The following EYA4 variants were observed in gnomAD, a reference collection of about 807,000 sequenced individuals.
EYA4 encodes the protein protein phosphatase EYA4.
A neutral mutation model predicts 87.9 loss-of-function variants in EYA4; 31 were observed. The observed-to-expected ratio is 0.35, with a 90% confidence interval of 0.27 to 0.48. EYA4 has a LOEUF of 0.48. Among genes scored for constraint, EYA4 ranks in the 20% least tolerant of loss-of-function variants. EYA4 has a pLI of 0.99. For synonymous variants in EYA4, 263 were observed against 270.6 expected, an observed-to-expected ratio of 0.97 and a Z score of 0.28; for missense variants, 678 against 761.4, an observed-to-expected ratio of 0.89 and a Z score of 1.29.
At chr6:133,438,447 T>C (rs1315830919) in intron 3 of EYA4, among the ~76,000 whole-genome samples, 2 of 149,430 alleles carry the variant, frequency 1.3e-5, no homozygotes, top group East Asian at 3.9e-4. Context: ...CTACACTACT[T>C]TGTGGCTTCA....
intron 1 of EYA4, among the ~76,000 whole-genome samples, chr6:133,255,466 A>G (rs906036070): frequency 6.6e-5 from 10 of 152,102 alleles, no homozygotes; most frequent in African/African-American, 2.2e-4. Context: ...TATGTATTTT[A>G]TTTTACTGTG....
intron 2 of EYA4, among the ~76,000 whole-genome samples, chr6:133,300,403 A>T (rs1779309547): frequency 6.6e-6 from 1 of 152,082 alleles, no homozygotes; most frequent in Admixed American, 6.5e-5. Context: ...AATTAACACA[A>T]CTATGTGGCT....
intron 5 of EYA4, 27 bp downstream of exon 5, chr6:133,448,206 G>A: frequency 1.3e-6 from 2 of 1,528,772 alleles, no homozygotes; most frequent in Non-Finnish European, 1.8e-6. Context: ...TACACTGCAT[G>A]TGTTTGGGTG....
intron 2 of EYA4, among the ~76,000 whole-genome samples, chr6:133,346,423 GT>G (rs968690836): frequency 7.2e-5 from 11 of 152,120 alleles, no homozygotes; most frequent in Admixed American, 3.9e-4. Flanking sequence ...TCTTAAGCAT[GT>G]TCTGCAATGT....
intron 13 of EYA4, chr6:133,502,406 CT>C (rs1391283040): frequency 6.6e-6 from 1 of 152,124 alleles, no homozygotes; most frequent in African/African-American, 2.4e-5. Context: ...CTACAAACAT[CT>C]AATGAAAATG....
chr6:133,422,918 T>C (rs899237051), intron 3 of EYA4, among the ~76,000 whole-genome samples: 2 of 152,188 alleles, frequency 1.3e-5, no homozygotes, highest in Non-Finnish European at 2.9e-5. Context: ...AAGTTCTTTC[T>C]GTATCTCTGG....
intron 3 of EYA4, among the ~76,000 whole-genome samples, chr6:133,401,314 T>TA (rs1013573701): frequency 6.6e-6 from 1 of 152,072 alleles, no homozygotes; most frequent in Non-Finnish European, 1.5e-5. Context: ...ATAGAAGAAA[T>TA]AAGAGCTGGT....
rs752023028 is a variant in EYA4 at position 133,468,572 on chromosome 6, C to G, written c.811C>G (p.Pro271Ala). 20 of 1,608,026 alleles carry G rather than the reference C, an allele frequency of 1.2e-5. No homozygotes were observed. Among genetic ancestry groups the G allele is most frequent in the Admixed American group, 1.7e-5 (1 of 59,804 alleles). The change falls in exon 11 of 20, where the codon CCA (proline) becomes GCA (alanine). Residue 271 changes from proline to alanine, a missense_variant. Transcript: ENST00000355286. ...ATCTCAATTATTGTTTCAGGATTATCCATCCTATACAGCCTTTGGCCAAAA... is the reference window on the plus strand; with the variant it reads ...ATCTCAATTATTGTTTCAGGATTATGCATCCTATACAGCCTTTGGCCAAAA... ...TNFSGSQQDY[P>A]SYTAFGQNQY...
At chr6:133,508,121 T>C (rs769971547) in intron 14 of EYA4, among the ~76,000 whole-genome samples, 109 of 152,314 alleles carry the variant, frequency 7.2e-4, no homozygotes, top group Non-Finnish European at 8.1e-4. Context: ...ATCTGTGTAA[T>C]AGCATTTTGC....
intron 1 of EYA4, among the ~76,000 whole-genome samples, chr6:133,269,167 A>C (rs1241238323): frequency 6.6e-6 from 1 of 152,128 alleles, no homozygotes; most frequent in African/African-American, 2.4e-5. Context: ...GCTGAGTCAC[A>C]ACAGTCACTT....
chr6:133,390,063 G>A (rs1787123038), intron 3 of EYA4, among the ~76,000 whole-genome samples: 1 of 152,134 alleles, frequency 6.6e-6, no homozygotes, highest in South Asian at 2.1e-4. Flanking sequence ...GCAGTATTCA[G>A]TAGACAGAGT....
At chr6:133,396,052 G>T (rs1787766641) in intron 3 of EYA4, among the ~76,000 whole-genome samples, 1 of 151,924 alleles carries the variant, frequency 6.6e-6, no homozygotes, top group Admixed American at 6.6e-5. Context: ...CCTATCTTAG[G>T]ATGACTTTTA....
intron 2 of EYA4, among the ~76,000 whole-genome samples, chr6:133,276,921 AAAG>A (rs1777224338): frequency 6.6e-6 from 1 of 151,882 alleles, no homozygotes; most frequent in Non-Finnish European, 1.5e-5. Context: ...AAAAAAAAGA[AAAG>A]AAAAAGAATC....
At chr6:133,458,825 A>G (rs1398813893) in intron 6 of EYA4, among the ~76,000 whole-genome samples, 1 of 152,134 alleles carries the variant, frequency 6.6e-6, no homozygotes, top group Non-Finnish European at 1.5e-5. Context: ...CATCAGAGAA[A>G]CTGACAATAG....
intron 6 of EYA4, among the ~76,000 whole-genome samples, chr6:133,459,567 G>A (rs73001788): frequency 0.013 from 1,961 of 152,090 alleles, 17 homozygotes; most frequent in South Asian, 0.053. Flanking sequence ...TTAATCAAGC[G>A]TCATTTAACT....
chr6:133,422,994 G>A (rs1206997720), intron 3 of EYA4, among the ~76,000 whole-genome samples: 1 of 152,168 alleles, frequency 6.6e-6, no homozygotes, highest in Non-Finnish European at 1.5e-5. Context: ...TCCCAAAGGA[G>A]AGATGTGTTT....
rs1202677460 is a variant in EYA4 at position 133,520,648 on chromosome 6, A to G, written c.1617-2408A>G. Reference sequence around the variant, plus strand: ...TGGAAAAAACTACTTTAAAGTTCATATGGAACCAAAAAAGAGCCCGCATCG... The same window carrying G: ...TGGAAAAAACTACTTTAAAGTTCATGTGGAACCAAAAAAGAGCCCGCATCG... On this transcript the variant is annotated intron_variant, in intron 17 of 19. Transcript: ENST00000355286. Among the ~76,000 whole-genome samples, 5 of 141,254 alleles carry G rather than the reference A, an allele frequency of 3.5e-5. No homozygotes were observed. In the South Asian group the frequency reaches 1.2e-3, roughly 35 times the overall value. The allele number at this position is 141,254 out of a possible 152,430, so 92.7% of individuals were successfully genotyped here.
chr6:133,517,924 C>G (rs1253277173), intron 17 of EYA4, among the ~76,000 whole-genome samples: 1 of 152,178 alleles, frequency 6.6e-6, no homozygotes, highest in Admixed American at 6.5e-5. Context: ...AGATTTCTCC[C>G]TGTGTCTGGA....
At chr6:133,393,587 G>A (rs1312755433) in intron 3 of EYA4, among the ~76,000 whole-genome samples, 1 of 152,188 alleles carries the variant, frequency 6.6e-6, no homozygotes, top group African/African-American at 2.4e-5. Flanking sequence ...TGACAGAAGA[G>A]GGAAGGACAG....
Sources: allele counts gnomAD v4.1 joint callset (sites outside exome capture counted in the v4.1 genomes callset), GRCh38; gene constraint gnomAD v4.1.1; transcripts MANE v1.5; gene names NCBI Gene and HGNC (gene_info 2026-07-23, HGNC 2026-07-21).